The following SLC24A2 variants were observed in gnomAD, a reference collection of about 807,000 sequenced individuals.
SLC24A2 encodes the protein solute carrier family 24 member 2, also known as sodium/potassium/calcium exchanger 2.
A neutral mutation model predicts 62.0 loss-of-function variants in SLC24A2; 36 were observed. The observed-to-expected ratio is 0.58, with a 90% CI of 0.44 to 0.77. The LOEUF is 0.77. Among genes scored for constraint, SLC24A2 ranks in the 30% least tolerant of loss-of-function variants. The pLI is 0.00. For missense variants in SLC24A2, 846 were observed against 817.9 expected (o/e 1.03, Z -0.42); for synonymous variants, 358 against 294.0 (o/e 1.22, Z -2.23).
At chr9:20,200,305 A>C in the SLC24A2 span, among the ~76,000 whole-genome samples, 1 of 152,278 alleles carries the variant, frequency 6.6e-6, no homozygotes, top group African/African-American at 2.4e-5. Flanking sequence ...TTGGGAGTCA[A>C]CTTCTGGCTC....
intron 2 of SLC24A2, among the ~76,000 whole-genome samples, chr9:19,739,052 G>A (rs531637102): frequency 2.0e-5 from 3 of 152,326 alleles, no homozygotes; most frequent in African/African-American, 7.2e-5. Context: ...AGAAGGTGGA[G>A]GTTGCAGTGA....
the SLC24A2 span, among the ~76,000 whole-genome samples, chr9:20,064,653 A>G: frequency 2.1e-4 from 32 of 152,324 alleles, no homozygotes; most frequent in Middle Eastern, 3.4e-3. Flanking sequence ...CAGGATCACA[A>G]CTGATGGATT....
intron 2 of SLC24A2, among the ~76,000 whole-genome samples, chr9:19,628,692 G>A (rs1378854511): frequency 1.3e-5 from 2 of 152,164 alleles, no homozygotes; most frequent in Non-Finnish European, 2.9e-5. Context: ...AGTCCTGGTT[G>A]CCTTACTTCC....
intron 2 of SLC24A2, among the ~76,000 whole-genome samples, chr9:19,753,807 C>T (rs974799131): frequency 7.9e-5 from 12 of 152,118 alleles, no homozygotes; most frequent in South Asian, 2.1e-4. Context: ...GGATATGTAT[C>T]GGACAGGGAG....
the SLC24A2 span, among the ~76,000 whole-genome samples, chr9:19,952,675 T>G: frequency 2.1e-5 from 3 of 144,416 alleles, no homozygotes; most frequent in South Asian, 2.3e-4. Context: ...TTTTTTTTTT[T>G]GCCAGTGTTC....
chr9:19,906,070 C>G, the SLC24A2 span, among the ~76,000 whole-genome samples: 5 of 152,188 alleles, frequency 3.3e-5, no homozygotes, highest in Admixed American at 2.0e-4. Context: ...TGACCACATA[C>G]TTGGAAGTAA....
the SLC24A2 span, among the ~76,000 whole-genome samples, chr9:20,000,272 A>G: frequency 6.6e-6 from 1 of 152,210 alleles, no homozygotes; most frequent in Non-Finnish European, 1.5e-5. Flanking sequence ...GACTTTGCTC[A>G]TAACAGTTCC....
the SLC24A2 span, among the ~76,000 whole-genome samples, chr9:19,886,444 CA>C: frequency 6.7e-6 from 1 of 149,528 alleles, no homozygotes; most frequent in Non-Finnish European, 1.5e-5. Context: ...GGCAAACAAA[CA>C]TATGAAAAAA....
At chr9:20,173,438 A>C in the SLC24A2 span, among the ~76,000 whole-genome samples, 2 of 151,848 alleles carry the variant, frequency 1.3e-5, no homozygotes, top group Admixed American at 6.6e-5. Flanking sequence ...AACCCTAAAG[A>C]CTCCTCCAAA....
the SLC24A2 span, among the ~76,000 whole-genome samples, chr9:20,098,306 C>G: frequency 2.6e-5 from 4 of 152,086 alleles, no homozygotes; most frequent in Non-Finnish European, 5.9e-5. Flanking sequence ...AAACAGGAAT[C>G]CATAATAAGA....
intron 2 of SLC24A2, among the ~76,000 whole-genome samples, chr9:19,738,004 C>G (rs984330978): frequency 1.3e-5 from 2 of 152,042 alleles, no homozygotes; most frequent in Non-Finnish European, 2.9e-5. Flanking sequence ...TACACAATTA[C>G]TCAAAAAATG....
chr9:19,960,763 G>T, the SLC24A2 span, among the ~76,000 whole-genome samples: 1 of 152,138 alleles, frequency 6.6e-6, no homozygotes, highest in Non-Finnish European at 1.5e-5. Flanking sequence ...TCTCCAAGCT[G>T]TGGTTTACTC....
chr9:20,069,131 C>A, the SLC24A2 span, among the ~76,000 whole-genome samples: 1 of 152,156 alleles, frequency 6.6e-6, no homozygotes, highest in Non-Finnish European at 1.5e-5. Flanking sequence ...TTTCTTCTCC[C>A]TTATCCAAGC....
the SLC24A2 span, among the ~76,000 whole-genome samples, chr9:20,227,526 A>C: frequency 3.7e-5 from 5 of 136,464 alleles, no homozygotes; most frequent in Non-Finnish European, 6.2e-5. Context: ...GAAAAGGCTC[A>C]CACATTTCTA....
the SLC24A2 span, among the ~76,000 whole-genome samples, chr9:20,128,301 T>A: frequency 6.6e-6 from 1 of 152,154 alleles, no homozygotes; most frequent in African/African-American, 2.4e-5. Context: ...TCTTCAAATG[T>A]TGCCAGATGA....
the SLC24A2 span, among the ~76,000 whole-genome samples, chr9:19,914,506 A>G: frequency 6.6e-6 from 1 of 152,044 alleles, no homozygotes; most frequent in South Asian, 2.1e-4. Context: ...TTAATAATAT[A>G]CATTTCCTTC....
chr9:19,934,440 G>T, the SLC24A2 span, among the ~76,000 whole-genome samples: 3 of 151,866 alleles, frequency 2.0e-5, no homozygotes, highest in Non-Finnish European at 4.4e-5. The surrounding 1 kb of genome is among the most constrained non-coding windows in gnomAD (Gnocchi z 4.1). Flanking sequence ...GCGCACCCCC[G>T]GGCTCCCGCG....
At chr9:20,159,267 C>T in the SLC24A2 span, among the ~76,000 whole-genome samples, 4 of 151,598 alleles carry the variant, frequency 2.6e-5, no homozygotes, top group Admixed American at 2.6e-4. Flanking sequence ...CCCATTAACG[C>T]CCCTCTTAGG....
At chr9:19,714,433 TAAAAC>T (rs1332807592) in intron 2 of SLC24A2, among the ~76,000 whole-genome samples, 1 of 144,482 alleles carries the variant, frequency 6.9e-6, no homozygotes, top group Non-Finnish European at 1.6e-5. Context: ...TTCTTTAAAA[TAAAAC>T]AAAATAAAAT....
Sources: gnomAD v4.1 joint callset for allele counts (sites outside exome capture counted in the v4.1 genomes callset) on GRCh38, gnomAD v4.1.1 for gene constraint, Gnocchi (gnomAD v3.1) non-coding constraint, MANE v1.5 for transcripts, NCBI Gene and HGNC (gene_info 2026-07-23, HGNC 2026-07-21) for gene names.